The following PEX5L variants were observed in gnomAD, a reference collection of about 807,000 sequenced individuals.
PEX5L encodes the protein peroxisomal biogenesis factor 5 like.
Under a neutral mutation model 84.0 loss-of-function variants are expected in PEX5L, and 30 were observed. The ratio of observed to expected loss-of-function variants is 0.36; its 90% CI spans 0.27 to 0.48. The LOEUF (loss-of-function observed/expected upper bound fraction) is 0.48. Ranked by LOEUF, PEX5L falls within the 20% of genes least tolerant of loss-of-function variation. The probability of loss-of-function intolerance (pLI) is 0.99; values close to 1 mark genes in which losing one functional copy is unlikely to be tolerated. For missense variants in PEX5L, 533 were observed against 754.6 expected, an observed-to-expected ratio of 0.71 and a Z score of 3.44; for synonymous variants, 270 against 283.1, an observed-to-expected ratio of 0.95 and a Z score of 0.46.
At chr3:179,840,183 G>GTTTTTTTT (rs71182521) in intron 8 of PEX5L, among the ~76,000 whole-genome samples, 7 of 78,720 alleles carry the variant, frequency 8.9e-5, no homozygotes, top group African/African-American at 2.6e-4. Flanking sequence ...GTGTGTGTGT[G>GTTTTTTTT]TTTTTTTTTT....
intron 1 of PEX5L, among the ~76,000 whole-genome samples, chr3:180,006,879 A>T (rs374513955): frequency 3.3e-5 from 5 of 152,198 alleles, no homozygotes; most frequent in East Asian, 1.9e-4. Context: ...TCTGGGAGAT[A>T]CAATTAAAGA....
intron 5 of PEX5L, among the ~76,000 whole-genome samples, chr3:179,879,127 A>G (rs982332849): frequency 2.6e-5 from 4 of 152,214 alleles, no homozygotes; most frequent in Admixed American, 6.5e-5. Flanking sequence ...ACACATATAC[A>G]TACACACACA....
intron 8 of PEX5L, among the ~76,000 whole-genome samples, chr3:179,841,924 G>A (rs1002441851): frequency 1.3e-5 from 2 of 152,130 alleles, no homozygotes; most frequent in Non-Finnish European, 2.9e-5. Flanking sequence ...AGATGTCACT[G>A]GTATAGATGA....
intron 10 of PEX5L, among the ~76,000 whole-genome samples, chr3:179,814,092 A>T (rs1326710964): frequency 6.6e-6 from 1 of 151,732 alleles, no homozygotes; most frequent in Non-Finnish European, 1.5e-5. Context: ...AAGTGCTGAG[A>T]TTACAGGCAT....
At chr3:179,843,301 C>T (rs536302312) in intron 8 of PEX5L, among the ~76,000 whole-genome samples, 1 of 152,282 alleles carries the variant, frequency 6.6e-6, no homozygotes, top group East Asian at 1.9e-4. Flanking sequence ...AGCCCGGGTA[C>T]AACCAGGACC....
At chr3:179,889,583 CTTTGGTA>C (rs1756988623) in intron 3 of PEX5L, among the ~76,000 whole-genome samples, 1 of 152,146 alleles carries the variant, frequency 6.6e-6, no homozygotes, top group East Asian at 1.9e-4. Flanking sequence ...TTATTGTAAG[CTTTGGTA>C]TTACTATGTA....
chr3:179,848,020 T>A (rs1740286337), intron 8 of PEX5L, among the ~76,000 whole-genome samples: 1 of 151,834 alleles, frequency 6.6e-6, no homozygotes, highest in African/African-American at 2.4e-5. Context: ...CTGACTTGAA[T>A]ATAGAACTAA....
chr3:179,934,977 G>C (rs989368159), intron 2 of PEX5L, among the ~76,000 whole-genome samples: 1 of 151,790 alleles, frequency 6.6e-6, no homozygotes, highest in Non-Finnish European at 1.5e-5. Flanking sequence ...CCTGATTTTG[G>C]CAGAAATAAC....
At chr3:179,819,820 G>T (rs780680108) in intron 9 of PEX5L, 40 bp downstream of exon 9, 1 of 1,570,438 alleles carries the variant, frequency 6.4e-7, no homozygotes, top group Non-Finnish European at 8.8e-7. Flanking sequence ...CAAAAAGGTG[G>T]AGAAAAGTAG....
At chr3:179,815,742 G>T in intron 10 of PEX5L, 119 bp downstream of exon 10, 2 of 1,092,436 alleles carry the variant, frequency 1.8e-6, no homozygotes, top group Admixed American at 2.1e-5. Flanking sequence ...GACTAAGCTA[G>T]GTTAACTCCT....
At chr3:179,805,530 T>C (rs1251504200) in intron 14 of PEX5L, among the ~76,000 whole-genome samples, 1 of 141,730 alleles carries the variant, frequency 7.1e-6, no homozygotes, top group Non-Finnish European at 1.5e-5. Flanking sequence ...TGTCATACTA[T>C]ATTGTTTTTT....
intron 2 of PEX5L, among the ~76,000 whole-genome samples, chr3:179,971,201 C>G (rs1045357509): frequency 1.3e-5 from 2 of 152,004 alleles, no homozygotes; most frequent in Non-Finnish European, 1.5e-5. Context: ...CTTTCTCTCT[C>G]TCAATTATAT....
chr3:179,922,608 C>T (rs1769919189), intron 2 of PEX5L, among the ~76,000 whole-genome samples: 1 of 151,966 alleles, frequency 6.6e-6, no homozygotes, highest in African/African-American at 2.4e-5. Flanking sequence ...GCCACCATGC[C>T]TGGCTGGCTA....
At chr3:179,881,000 A>C (rs917577734) in intron 4 of PEX5L, 7 of 152,252 alleles carry the variant, frequency 4.6e-5, no homozygotes, top group Non-Finnish European at 7.3e-5. Flanking sequence ...TGGCCCTGGC[A>C]CTGCACTGGA....
At chr3:179,910,173 G>T (rs1384460378) in intron 2 of PEX5L, among the ~76,000 whole-genome samples, 2 of 152,162 alleles carry the variant, frequency 1.3e-5, no homozygotes, top group Non-Finnish European at 2.9e-5. Flanking sequence ...CCAGAAATTT[G>T]GAAGCCTTGG....
At chr3:179,918,880 A>T (rs1768224746) in intron 2 of PEX5L, among the ~76,000 whole-genome samples, 1 of 152,222 alleles carries the variant, frequency 6.6e-6, no homozygotes, top group African/African-American at 2.4e-5. Flanking sequence ...ACATCCACAG[A>T]CAGCAGAGAA....
intron 1 of PEX5L, among the ~76,000 whole-genome samples, chr3:180,034,850 G>C (rs1353900965): frequency 2.0e-5 from 3 of 151,990 alleles, no homozygotes; most frequent in Non-Finnish European, 4.4e-5. Context: ...AGAATATGCA[G>C]AGTCTTATAT....
At chr3:179,898,078 AATCAC>A in intron 3 of PEX5L, 59 bp downstream of exon 3, 1 of 944,250 alleles carries the variant, frequency 1.1e-6, no homozygotes, top group Non-Finnish European at 1.6e-6. Context: ...TCTAGTTAAA[AATCAC>A]AATGTCTGAT....
At chr3:179,938,343 G>A (rs536969221) in intron 2 of PEX5L, among the ~76,000 whole-genome samples, 1 of 152,328 alleles carries the variant, frequency 6.6e-6, no homozygotes, top group South Asian at 2.1e-4. Flanking sequence ...TTACATAGAT[G>A]AGAGGTTAGA....
Sources: gnomAD v4.1 joint callset for allele counts (sites outside exome capture counted in the v4.1 genomes callset) on GRCh38, gnomAD v4.1.1 for gene constraint, MANE v1.5 for transcripts, NCBI Gene and HGNC (gene_info 2026-07-23, HGNC 2026-07-21) for gene names.